RGPD2: variants seen among roughly 807,000 people sequenced by gnomAD.
The protein encoded by RGPD2 is RANBP2-like and GRIP domain-containing protein 2.
RGPD2 carries 2 observed loss-of-function variants against 36.0 expected under a neutral mutation model. That is an observed-to-expected ratio of 0.06 (90% CI 0.02 to 0.17). The LOEUF (loss-of-function observed/expected upper bound fraction) is 0.17. Among genes scored for constraint, RGPD2 ranks in the 10% least tolerant of loss-of-function variants. RGPD2 has a pLI of 1.00. For synonymous variants in RGPD2, 19 were observed against 163.8 expected (o/e 0.12, Z 6.75); for missense variants, 40 against 464.3 (o/e 0.09, Z 8.40).
chr2:87,983,335 G>A, the RGPD2 span, among the ~76,000 whole-genome samples: 134,947 of 149,128 alleles, frequency 0.9, 61,399 homozygotes, highest in East Asian at 1. Context: ...AGGAAAGAAA[G>A]GAAAAGAAAA....
Position 87,763,255 on chromosome 2 carries a change from T to C in RGPD2, c.5237-5829A>G, listed in dbSNP as rs1209239036. ...TCACTGCAAGCTCCGCCTCCCGGGTTCGCGCCATTCTCCTGCCTCAGCCTC... is the reference window on the plus strand; with the variant it reads ...TCACTGCAAGCTCCGCCTCCCGGGTCCGCGCCATTCTCCTGCCTCAGCCTC... On this transcript the variant is annotated intron_variant, in intron 22 of 22. Coordinates refer to ENST00000398146, the MANE Select transcript of RGPD2 (RefSeq NM_001078170.3). Among the ~76,000 whole-genome samples the C allele has an allele frequency of 1.4e-5, 2 of 146,730 alleles. 1 individual carries two copies. Among genetic ancestry groups the C allele is most frequent in the African/African-American group, 5.2e-5 (2 of 38,456 alleles).
the RGPD2 span, among the ~76,000 whole-genome samples, chr2:87,856,737 A>G: frequency 1.3e-5 from 2 of 152,242 alleles, no homozygotes; most frequent in Non-Finnish European, 2.9e-5. Context: ...TGGTGTGTGG[A>G]TGAATAATGC....
the RGPD2 span, among the ~76,000 whole-genome samples, chr2:87,985,380 T>A: frequency 4.0e-5 from 6 of 149,990 alleles, no homozygotes; most frequent in Non-Finnish European, 8.9e-5. Context: ...TCATAGTTTT[T>A]AAAAAATCAC....
At chr2:87,939,598 T>C in the RGPD2 span, among the ~76,000 whole-genome samples, 9 of 151,890 alleles carry the variant, frequency 5.9e-5, no homozygotes, top group African/African-American at 2.2e-4. Flanking sequence ...CCCATACATA[T>C]CTCTGAAATC....
the RGPD2 span, among the ~76,000 whole-genome samples, chr2:87,940,166 A>G: frequency 3.3e-5 from 5 of 151,918 alleles, no homozygotes; most frequent in Non-Finnish European, 5.9e-5. Flanking sequence ...CAAATTCAAA[A>G]GCAATATAAT....
the RGPD2 span, among the ~76,000 whole-genome samples, chr2:87,864,467 T>G: frequency 6.6e-6 from 1 of 152,256 alleles, no homozygotes; most frequent in Non-Finnish European, 1.5e-5. Flanking sequence ...TATACCACTC[T>G]CTTTCTGGTC....
the RGPD2 span, among the ~76,000 whole-genome samples, chr2:87,961,610 G>A: frequency 6.8e-6 from 1 of 146,328 alleles, no homozygotes; most frequent in Non-Finnish European, 1.5e-5. Flanking sequence ...GCTGAGGCAC[G>A]AGAATCGCTT....
At chr2:87,833,980 C>T in the RGPD2 span, among the ~76,000 whole-genome samples, 1 of 37,502 alleles carries the variant, frequency 2.7e-5, no homozygotes. Context: ...AAATCTGATA[C>T]GTAAATTATA....
chr2:87,878,131 G>A, the RGPD2 span, among the ~76,000 whole-genome samples: 1 of 152,246 alleles, frequency 6.6e-6, no homozygotes, highest in Admixed American at 6.5e-5. Context: ...TTCCAACTTG[G>A]TTCTATTCTC....
chr2:87,875,163 G>A, the RGPD2 span, among the ~76,000 whole-genome samples: 18 of 151,952 alleles, frequency 1.2e-4, no homozygotes, highest in South Asian at 1.3e-3. Flanking sequence ...AGATAATTTC[G>A]CTTCCTTTCT....
At chr2:87,888,236 T>C in the RGPD2 span, among the ~76,000 whole-genome samples, 4 of 151,838 alleles carry the variant, frequency 2.6e-5, no homozygotes, top group Admixed American at 2.0e-4. Context: ...ACTTACTGGA[T>C]CAACATACAT....
At chr2:87,864,385 G>A in the RGPD2 span, among the ~76,000 whole-genome samples, 1 of 152,250 alleles carries the variant, frequency 6.6e-6, no homozygotes, top group Admixed American at 6.5e-5. Context: ...TGGTCACTGG[G>A]CCTTCATACT....
intron 22 of RGPD2, among the ~76,000 whole-genome samples, chr2:87,760,899 A>G (rs1573992552): frequency 6.7e-6 from 1 of 150,140 alleles, no homozygotes. Flanking sequence ...TTATAGGCGT[A>G]AGCCACCATG....
the RGPD2 span, among the ~76,000 whole-genome samples, chr2:87,834,846 G>A: frequency 6.6e-6 from 1 of 151,512 alleles, no homozygotes; most frequent in Non-Finnish European, 1.5e-5. Context: ...CTTATAAGAA[G>A]CAAAAGACCT....
chr2:87,825,005 C>A lies in RGPD2; in HGVS notation c.72+653G>T. ...TGCCCCCATACTTCTTACACTATTC[C>A]TCATCACTCAGCTAAAAATATTAAA... is the stretch of plus-strand genomic sequence containing the variant. On this transcript the variant is annotated intron_variant, in intron 1 of 22. Transcript: ENST00000398146. The A allele has an allele frequency of 7.7e-6, 3 of 392,094 alleles. No homozygotes were observed. In the Admixed American group the frequency reaches 1.3e-4, roughly 17 times the overall value. The allele number at this position is 392,094 out of a possible 1,614,324, so 24.3% of individuals were successfully genotyped here.
chr2:87,923,578 T>C, the RGPD2 span, among the ~76,000 whole-genome samples: 1 of 151,766 alleles, frequency 6.6e-6, no homozygotes, highest in Non-Finnish European at 1.5e-5. Context: ...CAGAACAAAC[T>C]GGACTGCAAT....
the RGPD2 span, among the ~76,000 whole-genome samples, chr2:87,962,041 A>G: frequency 6.6e-6 from 1 of 150,914 alleles, no homozygotes; most frequent in Non-Finnish European, 1.5e-5. Flanking sequence ...AAAAAAAAAA[A>G]AAAAGGAAAA....
chr2:87,983,350 C>T, the RGPD2 span, among the ~76,000 whole-genome samples: 45 of 146,250 alleles, frequency 3.1e-4, no homozygotes, highest in East Asian at 8.1e-3. Flanking sequence ...AGAAAATTGT[C>T]CCTATTTTCC....
chr2:87,830,625 CAA>C (rs760748482), upstream of RGPD2, among the ~76,000 whole-genome samples: 54 of 152,130 alleles, frequency 3.5e-4, no homozygotes, highest in Admixed American at 5.2e-4. Flanking sequence ...GAAGAAATAA[CAA>C]GACTGGGTAA....
Sources: allele counts gnomAD v4.1 joint callset (sites outside exome capture counted in the v4.1 genomes callset), GRCh38; gene constraint gnomAD v4.1.1; transcripts MANE v1.5; gene names NCBI Gene and HGNC (gene_info 2026-07-23, HGNC 2026-07-21).